The following ABCA9 variants were observed in gnomAD, a reference collection of about 807,000 sequenced individuals.
ABCA9 encodes the protein ATP-binding cassette sub-family A member 9.
Under a neutral mutation model 205.3 loss-of-function variants are expected in ABCA9, and 183 were observed. The ratio of observed to expected loss-of-function variants is 0.89; its 90% CI spans 0.79 to 1.01. The LOEUF (loss-of-function observed/expected upper bound fraction) is 1.01. Ranked by LOEUF, ABCA9 falls within the 50% of genes least tolerant of loss-of-function variation. The probability of loss-of-function intolerance (pLI) is 0.00; values close to 1 mark genes in which losing one functional copy is unlikely to be tolerated. For synonymous variants in ABCA9, 651 were observed against 683.3 expected (o/e 0.95, Z 0.74); for missense variants, 1,805 against 1,912.4 (o/e 0.94, Z 1.05).
intron 2 of ABCA9, 58 bp downstream of exon 2, chr17:69,050,973 C>G (rs2071883073): frequency 6.8e-7 from 1 of 1,478,832 alleles, no homozygotes. Flanking sequence ...GTTTATGTTG[C>G]CTGATAAAAT....
At chr17:68,998,156 T>A (rs2069697803) in intron 25 of ABCA9, among the ~76,000 whole-genome samples, 1 of 152,234 alleles carries the variant, frequency 6.6e-6, no homozygotes, top group South Asian at 2.1e-4. Context: ...ATTGTCTGGA[T>A]GTAACACAGT....
chr17:69,026,627 C>T lies in ABCA9; in HGVS notation c.2051-160G>A, dbSNP rs77610909. ...TAAACCACTTTTTTTTGTCATCCAA[C>T]AGCTCGAATGAGTGATAAATTATGT... On this transcript the variant is annotated intron_variant, in intron 15 of 38. Transcript: ENST00000340001. Among the ~76,000 whole-genome samples, 1,133 of 152,292 alleles carry T rather than the reference C, an allele frequency of 7.4e-3. 21 individuals carry two copies. The highest frequency in any genetic ancestry group is 0.026 in the African/African-American group (1,061 of 41,556).
chr17:69,050,930 C>T (rs1392129606), intron 2 of ABCA9, 101 bp downstream of exon 2: 1 of 1,030,850 alleles, frequency 9.7e-7, no homozygotes, highest in Non-Finnish European at 1.4e-6. Flanking sequence ...TTAGACTACA[C>T]ATATGTGCAA....
At chr17:69,018,348 G>GT (rs2070701817) in intron 20 of ABCA9, 65 bp downstream of exon 20, 4 of 1,349,450 alleles carry the variant, frequency 3.0e-6, no homozygotes, top group Admixed American at 2.8e-5. Flanking sequence ...GGCTGTTCAT[G>GT]TTTTTTGGGG....
At position 68,986,265 on chromosome 17, in the gene ABCA9, C is replaced by T. The variant is rs372747319; in HGVS notation, c.4107G>A (p.Gln1369=). The T allele has an allele frequency of 4.8e-5, 78 of 1,613,888 alleles. No homozygotes were observed. The highest frequency in any genetic ancestry group is 6.7e-5 in the Admixed American group (4 of 59,996). ...EPLGFLGYCP[Q]ENALWPNLTV... is the part of the protein sequence containing the mutation. ...TCAGGTTGGGCCACAGCGCATTCTC[C>T]TGAGGGCAGTACCCCAGGAAGCCCA... Residue 1369 remains glutamine (Q), a synonymous_variant, in exon 32 of 39, where the codon CAG becomes CAA. Transcript: ENST00000340001.
chr17:68,977,432 T>G (rs2068920766), intron 37 of ABCA9, among the ~76,000 whole-genome samples: 1 of 152,172 alleles, frequency 6.6e-6, no homozygotes, highest in Admixed American at 6.5e-5. Flanking sequence ...TATCTCTTCT[T>G]TTTTCCACTT....
At position 68,982,464 on chromosome 17, in the gene ABCA9, G is replaced by A. The variant is rs968606102; in HGVS notation, c.4720+98C>T. 6 of 919,410 alleles carry A rather than the reference G, an allele frequency of 6.5e-6. No individual in the cohort carries two copies. The African/African-American group carries it at 8.2e-5, about 13-fold the overall frequency. The allele number at this position is 919,410 out of a possible 1,614,324, so 57.0% of individuals were successfully genotyped here. ...TTAGTAATGTATTAATGATATAACA[G>A]CATAATTCTATGTTTATGTATTTTT... On this transcript the variant is annotated intron_variant, in intron 37 of 38. Coordinates refer to ENST00000340001, the MANE Select transcript of ABCA9 (RefSeq NM_080283.4).
chr17:69,075,878 T>G, the ABCA9 span, among the ~76,000 whole-genome samples: 1 of 152,200 alleles, frequency 6.6e-6, no homozygotes, highest in Non-Finnish European at 1.5e-5. Context: ...TATTTTTCTG[T>G]GTCATCTATG....
chr17:68,992,072 C>A (rs2069470208), intron 28 of ABCA9, 103 bp downstream of exon 28: 1 of 742,552 alleles, frequency 1.3e-6, no homozygotes, highest in African/African-American at 1.8e-5. Context: ...TCTTTAAAAA[C>A]CATCCTGTGA....
At chr17:69,047,243 G>T (rs2071748612) in intron 3 of ABCA9, among the ~76,000 whole-genome samples, 1 of 150,488 alleles carries the variant, frequency 6.6e-6, no homozygotes, top group Non-Finnish European at 1.5e-5. Flanking sequence ...AGCACACTCA[G>T]CCTATACAAT....
chr17:69,005,428 C>T (rs150807896), intron 25 of ABCA9, among the ~76,000 whole-genome samples: 186 of 152,300 alleles, frequency 1.2e-3, no homozygotes, highest in African/African-American at 4.3e-3. Context: ...CAGCATCCCA[C>T]CTCTCCAGGT....
At chr17:69,078,329 T>C in the ABCA9 span, among the ~76,000 whole-genome samples, 3 of 151,512 alleles carry the variant, frequency 2.0e-5, no homozygotes, top group South Asian at 6.4e-4. Context: ...GCCTCCCGAA[T>C]AGCTAGGACT....
chr17:69,029,684 A>G (rs2071098899), intron 10 of ABCA9, among the ~76,000 whole-genome samples: 1 of 152,192 alleles, frequency 6.6e-6, no homozygotes, highest in Non-Finnish European at 1.5e-5. Context: ...CTCTGTTACA[A>G]ATGCTGTGTA....
chr17:69,025,847 T>C (rs1186643058), intron 16 of ABCA9, among the ~76,000 whole-genome samples: 1 of 152,158 alleles, frequency 6.6e-6, no homozygotes, highest in Non-Finnish European at 1.5e-5. Context: ...AATAGTATCT[T>C]CTTAAAGTTA....
In ABCA9 at chr17:69,008,249, A is replaced by G. The variant is rs771903376; in HGVS notation, c.3148-14T>C. ...ATGAGCTTTTTTCTGATAAAGAAAT[A>G]GAAGAATCATCAAAAGGTTCTGAAG... On this transcript the variant is annotated splice_polypyrimidine_tract_variant and intron_variant, in intron 23 of 38. Transcript: ENST00000340001. 1.9e-6 allele frequency: 3 copies of G among 1,610,266 alleles called. No individual in the cohort carries two copies. The highest frequency in any genetic ancestry group is 2.5e-6 in the Non-Finnish European group (3 of 1,178,516).
Position 69,035,269 on chromosome 17 carries a change from CA to C in ABCA9, c.1104del (p.Phe368LeufsTer17), listed in dbSNP as rs748295764. The C allele has an allele frequency of 6.3e-7, 1 of 1,589,696 alleles. No homozygotes were observed. The highest frequency in any genetic ancestry group is 1.8e-5 in the Admixed American group (1 of 56,692). On this transcript the variant is annotated frameshift_variant, in exon 8 of 39. Transcript: ENST00000340001. LOFTEE classifies it high-confidence loss of function. ...ACCTGGGCCATCCCAACAGTGAAGG[CA>C]AAGGGGCTAAGAAGACACAAAGTCC... The part of the protein sequence containing the change: ...LEWTLCLLSP[F>X]AFTVGMAQLI...
At chr17:68,982,530 C>T in intron 37 of ABCA9, 32 bp downstream of exon 37, 1 of 1,543,914 alleles carries the variant, frequency 6.5e-7, no homozygotes. Flanking sequence ...TATCTGTTTC[C>T]CAGAGTTTTG....
intron 1 of ABCA9, among the ~76,000 whole-genome samples, chr17:69,053,519 A>G (rs889551981): frequency 6.6e-6 from 1 of 152,210 alleles, no homozygotes; most frequent in African/African-American, 2.4e-5. Context: ...CTAAGAGAGA[A>G]CCAAAAATAA....
intron 37 of ABCA9, among the ~76,000 whole-genome samples, chr17:68,979,525 T>TTTTTGATGGAGTC (rs1555624585): frequency 1.3e-4 from 19 of 150,978 alleles, no homozygotes; most frequent in African/African-American, 4.2e-4. Flanking sequence ...GCTACCTGAC[T>TTTTTGATGGAGTC]TCAAACTATA....
Sources: gnomAD v4.1 joint callset for allele counts (sites outside exome capture counted in the v4.1 genomes callset) on GRCh38, gnomAD v4.1.1 for gene constraint, MANE v1.5 for transcripts, NCBI Gene and HGNC (gene_info 2026-07-23, HGNC 2026-07-21) for gene names.